EYS: variants seen among roughly 807,000 people sequenced by gnomAD.
EYS encodes protein eyes shut homolog.
Under a neutral mutation model 282.1 loss-of-function variants are expected in EYS, and 250 were observed. The ratio of observed to expected loss-of-function variants is 0.89; its 90% CI spans 0.80 to 0.98. The LOEUF is 0.98. Among genes scored for constraint, EYS ranks in the 50% least tolerant of loss-of-function variants. The pLI, the probability that EYS is intolerant of heterozygous loss-of-function variation, is 0.00. For synonymous variants in EYS, 1,355 were observed against 1,282.9 expected (o/e 1.06, Z -1.20); for missense variants, 4,016 against 3,709.0 (o/e 1.08, Z -2.15).
At chr6:64,422,316 G>C (rs1438682970) in intron 28 of EYS, among the ~76,000 whole-genome samples, 1 of 152,070 alleles carries the variant, frequency 6.6e-6, no homozygotes, top group Admixed American at 6.6e-5. Flanking sequence ...AATAAGTGTG[G>C]GGCATCTGTG....
chr6:64,083,005 C>T (rs1772025480), intron 31 of EYS, among the ~76,000 whole-genome samples: 1 of 151,702 alleles, frequency 6.6e-6, no homozygotes, highest in Admixed American at 6.6e-5. Context: ...AACTCTCAGG[C>T]TCAGGTCATC....
At position 65,299,194 on chromosome 6, in the gene EYS, TA is replaced by T. The variant is rs1768747234; in HGVS notation, c.1767-3076del. ...GCCAGTCTGATTAAAAAATCTGTCC[TA>T]TTTTGCTATGATTTGTATGTGTTTA... On this transcript the variant is annotated intron_variant, in intron 11 of 42. Coordinates refer to ENST00000503581, the MANE Select transcript of EYS (RefSeq NM_001142800.2). Among the ~76,000 whole-genome samples, 4 of 152,208 alleles carry T rather than the reference TA, an allele frequency of 2.6e-5. No individual in the cohort carries two copies. The South Asian group carries it at 8.3e-4, about 32-fold the overall frequency.
intron 29 of EYS, among the ~76,000 whole-genome samples, chr6:64,326,328 T>C (rs1770420778): frequency 6.6e-6 from 1 of 152,080 alleles, no homozygotes; most frequent in South Asian, 2.1e-4. Flanking sequence ...ATAAACTGCT[T>C]ACCTCCCTAG....
chr6:65,433,841 GGC>G (rs1221570483), intron 5 of EYS, among the ~76,000 whole-genome samples: 3 of 151,620 alleles, frequency 2.0e-5, no homozygotes, highest in East Asian at 3.9e-4. Context: ...TCTTTCTTTT[GGC>G]CCAGAGGAAA....
At chr6:64,906,617 G>A (rs1041229056) in intron 16 of EYS, among the ~76,000 whole-genome samples, 18 of 152,128 alleles carry the variant, frequency 1.2e-4, no homozygotes, top group African/African-American at 4.1e-4. Flanking sequence ...TCCATCAAGC[G>A]TAGGATCCCA....
intron 12 of EYS, among the ~76,000 whole-genome samples, chr6:65,093,326 A>G (rs935373931): frequency 1.3e-5 from 2 of 152,032 alleles, no homozygotes; most frequent in Admixed American, 6.6e-5. Context: ...CAGCAAAATG[A>G]AAGTATAAAA....
At chr6:65,317,911 A>G (rs1769356265) in intron 11 of EYS, among the ~76,000 whole-genome samples, 1 of 141,266 alleles carries the variant, frequency 7.1e-6, no homozygotes. Flanking sequence ...TCTGTTGCCC[A>G]GGCTGGAGGG....
At position 63,944,581 on chromosome 6, in the gene EYS, A is replaced by G. The variant is rs573532288; in HGVS notation, c.7055+39802T>C. 8.8e-4 allele frequency among the ~76,000 whole-genome samples: 134 copies of G among 152,292 alleles called. 1 individual carries two copies. Among genetic ancestry groups the G allele is most frequent in the African/African-American group, 3.1e-3 (130 of 41,566 alleles). ...TAACACAGTTATCATTTTTGTGGTGAGAACACTTTACATCTACTCTTAGCA... is the reference window on the plus strand; with the variant it reads ...TAACACAGTTATCATTTTTGTGGTGGGAACACTTTACATCTACTCTTAGCA... On this transcript the variant is annotated intron_variant, in intron 35 of 42. Transcript: ENST00000503581.
chr6:63,753,197 T>C (rs1157569329), intron 41 of EYS, among the ~76,000 whole-genome samples: 1 of 149,072 alleles, frequency 6.7e-6, no homozygotes, highest in African/African-American at 2.4e-5. Context: ...TGAGCTCTCT[T>C]TTATGCTATT....
chr6:65,460,614 A>G (rs1764798353), intron 5 of EYS, among the ~76,000 whole-genome samples: 1 of 152,066 alleles, frequency 6.6e-6, no homozygotes, highest in Non-Finnish European at 1.5e-5. Flanking sequence ...GCTGACGTAG[A>G]GCCAAAAGCC....
intron 2 of EYS, among the ~76,000 whole-genome samples, chr6:65,606,430 G>C (rs980780015): frequency 6.6e-6 from 1 of 151,654 alleles, no homozygotes; most frequent in African/African-American, 2.4e-5. Flanking sequence ...GAAATTCTAA[G>C]ATAAATTTGA....
chr6:64,063,295 C>T (rs1306315798), intron 33 of EYS, among the ~76,000 whole-genome samples: 1 of 152,162 alleles, frequency 6.6e-6, no homozygotes, highest in Non-Finnish European at 1.5e-5. Context: ...TTCAAAGGCA[C>T]CTTAATCTCA....
chr6:64,458,520 T>C (rs968870504), intron 26 of EYS, among the ~76,000 whole-genome samples: 2 of 152,094 alleles, frequency 1.3e-5, no homozygotes, highest in Non-Finnish European at 2.9e-5. Context: ...TCCTGGCACA[T>C]AAGGTTTTGG....
chr6:65,140,543 A>T (rs1353383021), intron 12 of EYS, among the ~76,000 whole-genome samples: 1 of 151,760 alleles, frequency 6.6e-6, no homozygotes. Context: ...CTACCATCAG[A>T]GTGAACAGGC....
chr6:63,822,254 C>T (rs540928503), intron 36 of EYS: 2 of 152,332 alleles, frequency 1.3e-5, no homozygotes, highest in Non-Finnish European at 2.9e-5. Flanking sequence ...GCTGGAATTA[C>T]AGCCGTGCAC....
At chr6:65,456,988 T>C (rs9363368) in intron 5 of EYS, among the ~76,000 whole-genome samples, 28,082 of 152,014 alleles carry the variant, frequency 0.18, 3,221 homozygotes, top group Middle Eastern at 0.29. Flanking sequence ...AGGGTCAGTA[T>C]AGAACTTCTT....
chr6:65,598,452 G>A (rs1263802166), intron 2 of EYS, among the ~76,000 whole-genome samples: 1 of 151,974 alleles, frequency 6.6e-6, no homozygotes, highest in African/African-American at 2.4e-5. Flanking sequence ...ATCACCTGGA[G>A]TATAGCCAAT....
At chr6:64,527,489 A>G (rs768265353) in intron 26 of EYS, among the ~76,000 whole-genome samples, 1 of 151,852 alleles carries the variant, frequency 6.6e-6, no homozygotes, top group Non-Finnish European at 1.5e-5. Flanking sequence ...GACCATATAC[A>G]TTCTGAAACA....
intron 19 of EYS, among the ~76,000 whole-genome samples, chr6:64,871,437 C>T (rs1413897910): frequency 1.3e-5 from 2 of 151,688 alleles, no homozygotes; most frequent in Non-Finnish European, 2.9e-5. Context: ...TTAAATGTCT[C>T]TAACTGACTA....
Sources: gnomAD v4.1 joint callset for allele counts (sites outside exome capture counted in the v4.1 genomes callset) on GRCh38, gnomAD v4.1.1 for gene constraint, MANE v1.5 for transcripts, NCBI Gene and HGNC (gene_info 2026-07-23, HGNC 2026-07-21) for gene names.